Variants in BMPR1A observed in about 807,000 individuals in gnomAD.
BMPR1A encodes the protein bone morphogenetic protein receptor type-1A.
In BMPR1A, 7 loss-of-function variants were observed where a neutral mutation model predicts 66.0. The observed-to-expected ratio is 0.11, with a 90% CI of 0.06 to 0.20. The LOEUF is 0.20. Ranked by LOEUF, BMPR1A falls within the 10% of genes least tolerant of loss-of-function variation. The pLI is 1.00. For missense variants in BMPR1A, 408 were observed against 669.1 expected (o/e 0.61, Z 4.31); for synonymous variants, 200 against 229.7 (o/e 0.87, Z 1.17).
At chr10:86,904,995 C>T (rs754740659) in intron 7 of BMPR1A, among the ~76,000 whole-genome samples, 2 of 152,166 alleles carry the variant, frequency 1.3e-5, no homozygotes, top group African/African-American at 2.4e-5. Flanking sequence ...TAACAAGTCA[C>T]AAGTTGTTCT....
intron 1 of BMPR1A, among the ~76,000 whole-genome samples, chr10:86,795,174 ATTTTT>A (rs536628407): frequency 6.9e-6 from 1 of 145,530 alleles, no homozygotes; most frequent in Non-Finnish European, 1.5e-5. Context: ...TTTAATCTTT[ATTTTT>A]TTTTTTCTGT....
At chr10:86,883,420 G>A (rs1431423562) in intron 3 of BMPR1A, among the ~76,000 whole-genome samples, 2 of 151,690 alleles carry the variant, frequency 1.3e-5, no homozygotes, top group East Asian at 3.9e-4. Flanking sequence ...CGTGGTGGCG[G>A]GCGCCTGTAG....
intron 1 of BMPR1A, among the ~76,000 whole-genome samples, chr10:86,776,231 G>A (rs981062603): frequency 6.6e-6 from 1 of 152,142 alleles, no homozygotes; most frequent in Admixed American, 6.6e-5. Context: ...CCAGGGGTGA[G>A]TATAACAACT....
intron 3 of BMPR1A, among the ~76,000 whole-genome samples, chr10:86,888,458 ACT>A (rs1843100285): frequency 6.6e-6 from 1 of 151,830 alleles, no homozygotes; most frequent in South Asian, 2.1e-4. Context: ...ACAGAGTGAG[ACT>A]CTATCTCAAA....
intron 2 of BMPR1A, among the ~76,000 whole-genome samples, chr10:86,865,419 G>C (rs1842772254): frequency 6.6e-6 from 1 of 152,148 alleles, no homozygotes; most frequent in Non-Finnish European, 1.5e-5. Flanking sequence ...CTGCCCGCCA[G>C]AGAACAACTC....
At chr10:86,918,142 C>T (rs1162805997) in intron 9 of BMPR1A, among the ~76,000 whole-genome samples, 2 of 152,140 alleles carry the variant, frequency 1.3e-5, no homozygotes, top group East Asian at 3.9e-4. Context: ...TCCCTGGGTG[C>T]CTGGGTCCAC....
At position 86,900,257 on chromosome 10, in the gene BMPR1A, A is replaced by G. The variant is rs1843290635; in HGVS notation, c.530+131A>G. 3 of 856,482 alleles carry G rather than the reference A, an allele frequency of 3.5e-6. No individual in the cohort carries two copies. In the South Asian group the frequency reaches 4.7e-5, roughly 13 times the overall value. The allele number at this position is 856,482 out of a possible 1,614,324, so 53.1% of individuals were successfully genotyped here. ...TATATCTCCTTTATGTAACTAGACT[A>G]TAGTTCTCTTAAGGGAAAAGGACCT... On this transcript the variant is annotated intron_variant, in intron 7 of 12. Coordinates refer to ENST00000372037, the MANE Select transcript of BMPR1A (RefSeq NM_004329.3).
chr10:86,804,194 A>T (rs562684136), intron 1 of BMPR1A, among the ~76,000 whole-genome samples: 1 of 152,276 alleles, frequency 6.6e-6, no homozygotes, highest in African/African-American at 2.4e-5. Context: ...ATATATTCAC[A>T]ATTGGGACTT....
At chr10:86,766,007 G>A (rs1841156493) in intron 1 of BMPR1A, among the ~76,000 whole-genome samples, 2 of 84,226 alleles carry the variant, frequency 2.4e-5, no homozygotes, top group Non-Finnish European at 5.9e-5. Flanking sequence ...TTTTTTTGAG[G>A]GAAGGTCTTG....
intron 8 of BMPR1A, 31 bp downstream of exon 8, chr10:86,912,415 G>A: frequency 6.2e-7 from 1 of 1,612,882 alleles, no homozygotes; most frequent in Non-Finnish European, 8.5e-7. Flanking sequence ...GACATGAATG[G>A]TGTGTTGATT....
At chr10:86,903,653 C>G (rs1022265777) in intron 7 of BMPR1A, among the ~76,000 whole-genome samples, 1 of 151,712 alleles carries the variant, frequency 6.6e-6, no homozygotes, top group African/African-American at 2.4e-5. Flanking sequence ...GCTCTGTCGC[C>G]CAGGCTGGAG....
At chr10:86,932,520 T>G (rs1843821345), downstream of BMPR1A, 1 of 152,340 alleles carries the variant, frequency 6.6e-6, no homozygotes, top group Non-Finnish European at 1.5e-5. Context: ...GGGCTATGAT[T>G]ACAGGCATGA....
chr10:86,866,578 T>C (rs1418491185), intron 2 of BMPR1A, among the ~76,000 whole-genome samples: 1 of 151,768 alleles, frequency 6.6e-6, no homozygotes, highest in Non-Finnish European at 1.5e-5. Flanking sequence ...CTGGCTAATT[T>C]TTTGTATTTT....
intron 2 of BMPR1A, among the ~76,000 whole-genome samples, chr10:86,866,399 C>CTTTTTTTTTTTTTTTTTTT (rs1048293127): frequency 4.3e-5 from 3 of 69,474 alleles, no homozygotes; most frequent in African/African-American, 1.1e-4. Flanking sequence ...AAGTTTCTTT[C>CTTTTTTTTTTTTTTTTTTT]TTTTTTTTTT....
intron 1 of BMPR1A, among the ~76,000 whole-genome samples, chr10:86,819,402 C>T (rs1842086552): frequency 1.3e-5 from 2 of 152,140 alleles, no homozygotes; most frequent in Admixed American, 1.3e-4. Flanking sequence ...TCTCTGCCTC[C>T]TGGGCTCAAG....
Position 86,773,203 on chromosome 10 carries a change from C to A in BMPR1A, c.-268+16284C>A, listed in dbSNP as rs1036002453. Among the ~76,000 whole-genome samples, 9 of 136,240 alleles carry A rather than the reference C, an allele frequency of 6.6e-5. No homozygotes were observed. In the East Asian group the frequency reaches 1.9e-3, roughly 29 times the overall value. The allele number at this position is 136,240 out of a possible 152,430, so 89.4% of individuals were successfully genotyped here. A position where few individuals can be genotyped will look rare whatever the true frequency, so the allele number is the denominator to read the frequency against. The stretch of plus-strand genomic sequence containing the variant: ...CCACTTTTAAGTTTTTTTTTTTAAT[C>A]AAGATGTTTCACATTTGATATGTTC... On this transcript the variant is annotated intron_variant, in intron 1 of 12. Transcript: ENST00000372037.
At chr10:86,818,912 T>C (rs893424793) in intron 1 of BMPR1A, among the ~76,000 whole-genome samples, 2 of 152,208 alleles carry the variant, frequency 1.3e-5, no homozygotes, top group Non-Finnish European at 2.9e-5. Context: ...TGTTGTTCAT[T>C]GCTGTATGCT....
At chr10:86,805,162 C>T (rs1841871511) in intron 1 of BMPR1A, among the ~76,000 whole-genome samples, 1 of 151,870 alleles carries the variant, frequency 6.6e-6, no homozygotes, top group Non-Finnish European at 1.5e-5. Context: ...CTGTAAAGAC[C>T]CTATTTACAA....
intron 1 of BMPR1A, among the ~76,000 whole-genome samples, chr10:86,826,482 A>G (rs1842197750): frequency 6.6e-6 from 1 of 150,858 alleles, no homozygotes; most frequent in Non-Finnish European, 1.5e-5. Context: ...CCTTTACTTT[A>G]GGATAAGCCA....
Sources: allele counts gnomAD v4.1 joint callset (sites outside exome capture counted in the v4.1 genomes callset), GRCh38; gene constraint gnomAD v4.1.1; transcripts MANE v1.5; gene names NCBI Gene and HGNC (gene_info 2026-07-23, HGNC 2026-07-21).